GAS2: variants seen among roughly 807,000 people sequenced by gnomAD.
GAS2 encodes the protein growth arrest-specific protein 2.
A neutral mutation model predicts 37.5 loss-of-function variants in GAS2; 20 were observed. That is an observed-to-expected ratio of 0.53 (90% CI 0.37 to 0.77). The LOEUF is 0.77. Ranked by LOEUF, GAS2 falls within the 30% of genes least tolerant of loss-of-function variation. The pLI is 0.00. For missense variants in GAS2, 336 were observed against 373.4 expected (o/e 0.90, Z 0.82); for synonymous variants, 144 against 132.2 (o/e 1.09, Z -0.61).
intron 7 of GAS2, among the ~76,000 whole-genome samples, chr11:22,775,214 AT>A: frequency 6.6e-6 from 1 of 152,364 alleles, no homozygotes; most frequent in African/African-American, 2.4e-5. Context: ...ATTTTAAATC[AT>A]TCAGGCTGTA....
At chr11:22,804,914 T>A (rs1856818474) in intron 7 of GAS2, among the ~76,000 whole-genome samples, 2 of 152,154 alleles carry the variant, frequency 1.3e-5, no homozygotes, top group Admixed American at 1.3e-4. Context: ...ATGGAAGAGT[T>A]CTTGGATGAA....
intron 7 of GAS2, among the ~76,000 whole-genome samples, chr11:22,787,214 C>A (rs1246417612): frequency 6.6e-6 from 1 of 152,112 alleles, no homozygotes; most frequent in East Asian, 1.9e-4. Flanking sequence ...TGACGTAAAT[C>A]CAGGCTCTGT....
At chr11:22,789,500 C>T (rs1327483515) in intron 7 of GAS2, among the ~76,000 whole-genome samples, 4 of 100,872 alleles carry the variant, frequency 4.0e-5, no homozygotes, top group East Asian at 3.0e-4. Context: ...CTTGCTCTGT[C>T]GCCCAGGCTG....
chr11:22,637,697 A>G (rs971041428), intron 1 of GAS2, among the ~76,000 whole-genome samples: 1 of 141,014 alleles, frequency 7.1e-6, no homozygotes, highest in African/African-American at 2.6e-5. Flanking sequence ...ATAATAATAT[A>G]ATATAAATAT....
intron 1 of GAS2, among the ~76,000 whole-genome samples, chr11:22,639,573 A>G (rs1210667627): frequency 6.6e-6 from 1 of 152,172 alleles, no homozygotes; most frequent in Non-Finnish European, 1.5e-5. Context: ...GAAAATCGTC[A>G]AATGAATTGT....
chr11:22,740,524 A>C lies in GAS2; in HGVS notation c.473+2756A>C, dbSNP rs138929854. 5.6e-3 allele frequency among the ~76,000 whole-genome samples: 860 copies of C among 152,354 alleles called. 14 individuals carry two copies. The highest frequency in any genetic ancestry group is 0.019 in the African/African-American group (779 of 41,582). Reference sequence around the variant, plus strand: ...TACTATTATTCTAGTGTGTGACATGATGGTAAATAGTTGAATACCAGTAGG... The same window carrying C: ...TACTATTATTCTAGTGTGTGACATGCTGGTAAATAGTTGAATACCAGTAGG... On this transcript the variant is annotated intron_variant, in intron 5 of 7. Transcript: ENST00000454584.
chr11:22,716,604 C>T (rs1227534091), intron 3 of GAS2, among the ~76,000 whole-genome samples: 4 of 149,914 alleles, frequency 2.7e-5, no homozygotes, highest in African/African-American at 7.4e-5. Flanking sequence ...CACGCCACTG[C>T]ACTCCAGCCT....
intron 1 of GAS2, among the ~76,000 whole-genome samples, chr11:22,655,592 A>T (rs929340990): frequency 2.0e-5 from 3 of 152,236 alleles, no homozygotes; most frequent in African/African-American, 7.2e-5. Flanking sequence ...TATTGTGGAA[A>T]TTACCAATTT....
intron 3 of GAS2, among the ~76,000 whole-genome samples, chr11:22,688,812 T>C (rs1447896665): frequency 1.3e-5 from 2 of 152,176 alleles, no homozygotes; most frequent in Non-Finnish European, 2.9e-5. Context: ...ATACTTATTA[T>C]CATCTCACCA....
chr11:22,637,808 AATTGTATAT>A, intron 1 of GAS2, among the ~76,000 whole-genome samples: 1 of 147,064 alleles, frequency 6.8e-6, no homozygotes, highest in South Asian at 2.1e-4. Flanking sequence ...TTTATGTATA[AATTGTATAT>A]ATTTTATATA....
intron 4 of GAS2, among the ~76,000 whole-genome samples, chr11:22,729,972 A>G (rs1189393877): frequency 6.6e-6 from 1 of 151,792 alleles, no homozygotes; most frequent in African/African-American, 2.4e-5. Flanking sequence ...TTAAAAGGCA[A>G]TTAGTAGAGA....
intron 3 of GAS2, among the ~76,000 whole-genome samples, chr11:22,713,405 G>T (rs138024047): frequency 3.9e-5 from 6 of 152,146 alleles, no homozygotes; most frequent in Admixed American, 3.3e-4. Context: ...CAAGGATGAA[G>T]AGAAATCTAA....
chr11:22,647,336 G>A (rs1462361454), intron 1 of GAS2, among the ~76,000 whole-genome samples: 2 of 152,048 alleles, frequency 1.3e-5, no homozygotes, highest in Non-Finnish European at 2.9e-5. Flanking sequence ...TGGACACTTG[G>A]GTTGGTTCTA....
intron 7 of GAS2, among the ~76,000 whole-genome samples, chr11:22,771,089 CT>C (rs35633661): frequency 0.015 from 2,163 of 145,238 alleles, 41 homozygotes; most frequent in African/African-American, 0.049. Flanking sequence ...TAATATTTTA[CT>C]TTTTTTTTTT....
chr11:22,775,217 C>G (rs1238150333), intron 7 of GAS2, among the ~76,000 whole-genome samples: 1 of 152,186 alleles, frequency 6.6e-6, no homozygotes, highest in Non-Finnish European at 1.5e-5. Context: ...TTAAATCATT[C>G]AGGCTGTAGT....
chr11:22,746,697 T>C (rs936396435), intron 5 of GAS2, among the ~76,000 whole-genome samples: 14 of 151,992 alleles, frequency 9.2e-5, no homozygotes, highest in Admixed American at 3.3e-4. Context: ...CTGGGAACTC[T>C]AGAGTGGAGA....
At chr11:22,791,959 A>T (rs1856186130) in intron 7 of GAS2, among the ~76,000 whole-genome samples, 1 of 152,240 alleles carries the variant, frequency 6.6e-6, no homozygotes, top group African/African-American at 2.4e-5. Flanking sequence ...CTTAAAATAC[A>T]AAAGGCACAG....
At chr11:22,639,570 G>A (rs969825990) in intron 1 of GAS2, among the ~76,000 whole-genome samples, 10 of 152,032 alleles carry the variant, frequency 6.6e-5, no homozygotes, top group Non-Finnish European at 1.3e-4. Context: ...GGGGAAAATC[G>A]TCAAATGAAT....
chr11:22,656,566 A>C (rs2133840234), intron 1 of GAS2, among the ~76,000 whole-genome samples: 1 of 152,362 alleles, frequency 6.6e-6, no homozygotes. Context: ...GAAAAACTTA[A>C]AAGCATCTAG....
Sources: allele counts gnomAD v4.1 joint callset (sites outside exome capture counted in the v4.1 genomes callset), GRCh38; gene constraint gnomAD v4.1.1; transcripts MANE v1.5; gene names NCBI Gene and HGNC (gene_info 2026-07-23, HGNC 2026-07-21).